The following ZFYVE9 variants were observed in gnomAD, a reference collection of about 807,000 sequenced individuals.
ZFYVE9 encodes zinc finger FYVE-type containing 9, also known as zinc finger FYVE domain-containing protein 9.
In ZFYVE9, 43 loss-of-function variants were observed where a neutral mutation model predicts 126.7. The observed-to-expected ratio is 0.34, with a 90% CI of 0.27 to 0.44. The LOEUF (loss-of-function observed/expected upper bound fraction) is 0.44, where lower values mean the gene tolerates loss of function less well. Ranked by LOEUF, ZFYVE9 falls within the 20% of genes least tolerant of loss-of-function variation. The pLI, the probability that ZFYVE9 is intolerant of heterozygous loss-of-function variation, is 1.00. For synonymous variants in ZFYVE9, 521 were observed against 597.4 expected, an observed-to-expected ratio of 0.87 and a Z score of 1.87; for missense variants, 1,476 against 1,697.0, an observed-to-expected ratio of 0.87 and a Z score of 2.29.
intron 17 of ZFYVE9, among the ~76,000 whole-genome samples, chr1:52,341,111 T>C (rs1175545798): frequency 6.6e-6 from 1 of 152,114 alleles, no homozygotes; most frequent in Non-Finnish European, 1.5e-5. Flanking sequence ...TCCCAGCTAC[T>C]CAGGAGGCTG....
chr1:52,302,692 A>G (rs375637470), intron 12 of ZFYVE9, among the ~76,000 whole-genome samples: 4 of 152,158 alleles, frequency 2.6e-5, no homozygotes, highest in African/African-American at 9.6e-5. Flanking sequence ...CAGAGGATTC[A>G]GTGAGCCAAG....
chr1:52,180,844 G>A lies in ZFYVE9; in HGVS notation c.-142-35525G>A, dbSNP rs961686267. Among the ~76,000 whole-genome samples the A allele has an allele frequency of 1.5e-4, 23 of 151,652 alleles. No homozygotes were observed. The South Asian group carries it at 3.8e-3, about 25-fold the overall frequency. ...TACAAAAATAGCCGGGCGTGGTGGC[G>A]CATGCCTGTAATCCCAGTTACTCAG... is the stretch of plus-strand genomic sequence containing the variant. On this transcript the variant is annotated intron_variant, in intron 1 of 18. Coordinates refer to ENST00000287727, the MANE Select transcript of ZFYVE9 (RefSeq NM_004799.4).
At chr1:52,343,202 A>G (rs539187706) in intron 17 of ZFYVE9, among the ~76,000 whole-genome samples, 13 of 151,784 alleles carry the variant, frequency 8.6e-5, no homozygotes, top group Middle Eastern at 3.4e-3. Context: ...GATTACAGGC[A>G]TGAGCCACCG....
intron 2 of ZFYVE9, among the ~76,000 whole-genome samples, chr1:52,228,517 T>C (rs1039852855): frequency 1.3e-5 from 2 of 152,196 alleles, no homozygotes; most frequent in Admixed American, 1.3e-4. Flanking sequence ...GCTAGAGTTA[T>C]CAGTTTTTAC....
intron 17 of ZFYVE9, 123 bp downstream of exon 17, chr1:52,340,354 C>A: frequency 1.4e-6 from 1 of 691,916 alleles, no homozygotes; most frequent in Non-Finnish European, 2.5e-6. Context: ...AAATCTTTCT[C>A]GTTTATACTA....
chr1:52,340,807 A>G (rs370549311), intron 17 of ZFYVE9, among the ~76,000 whole-genome samples: 188 of 148,770 alleles, frequency 1.3e-3, no homozygotes, highest in African/African-American at 4.4e-3. Flanking sequence ...AGGCTGAGGC[A>G]TGGGAATCAC....
chr1:52,315,788 A>G (rs1420370945), intron 13 of ZFYVE9, among the ~76,000 whole-genome samples: 1 of 152,256 alleles, frequency 6.6e-6, no homozygotes, highest in Admixed American at 6.5e-5. Context: ...AATGATCTAA[A>G]TACCTTCAAG....
At chr1:52,260,183 C>T (rs1167705128) in intron 4 of ZFYVE9, among the ~76,000 whole-genome samples, 1 of 151,874 alleles carries the variant, frequency 6.6e-6, no homozygotes, top group East Asian at 1.9e-4. Flanking sequence ...CCCTCACCAC[C>T]GTTAGATATT....
At chr1:52,219,065 C>T (rs987222812) in intron 2 of ZFYVE9, among the ~76,000 whole-genome samples, 5 of 151,880 alleles carry the variant, frequency 3.3e-5, no homozygotes, top group African/African-American at 4.8e-5. Flanking sequence ...CCTGATATTT[C>T]GTGGTCCAGA....
intron 4 of ZFYVE9, among the ~76,000 whole-genome samples, chr1:52,241,869 C>T (rs1645336884): frequency 6.6e-6 from 1 of 151,918 alleles, no homozygotes; most frequent in Non-Finnish European, 1.5e-5. Flanking sequence ...AAAGTTTGTT[C>T]CATTTCAGTA....
chr1:52,172,706 A>G (rs1644585285), intron 1 of ZFYVE9, among the ~76,000 whole-genome samples: 1 of 151,694 alleles, frequency 6.6e-6, no homozygotes, highest in Non-Finnish European at 1.5e-5. Context: ...CTCCTTGAAG[A>G]GGTCCTTCAC....
chr1:52,199,690 A>C (rs1018078504), intron 1 of ZFYVE9, among the ~76,000 whole-genome samples: 3 of 152,226 alleles, frequency 2.0e-5, no homozygotes, highest in Admixed American at 6.5e-5. Flanking sequence ...CTTTGTGTAA[A>C]TACTGAGGAG....
At chr1:52,191,093 C>T (rs1206852566) in intron 1 of ZFYVE9, among the ~76,000 whole-genome samples, 1 of 152,096 alleles carries the variant, frequency 6.6e-6, no homozygotes, top group Non-Finnish European at 1.5e-5. Context: ...TGCATGCCAC[C>T]ATGCCTGGCT....
chr1:52,253,663 C>T, intron 4 of ZFYVE9: 1 of 1,572,258 alleles, frequency 6.4e-7, no homozygotes, highest in Non-Finnish European at 8.8e-7. Context: ...TGACCCTGAG[C>T]AGTTGGAAAA....
intron 1 of ZFYVE9, among the ~76,000 whole-genome samples, chr1:52,169,879 T>C (rs978537980): frequency 1.1e-4 from 16 of 152,216 alleles, no homozygotes; most frequent in African/African-American, 3.4e-4. Context: ...TCTAGGACTT[T>C]AGTAAGCTAA....
chr1:52,255,131 A>G (rs995919239), intron 4 of ZFYVE9, among the ~76,000 whole-genome samples: 5 of 152,072 alleles, frequency 3.3e-5, no homozygotes, highest in Non-Finnish European at 7.4e-5. Context: ...TAAGTACAAT[A>G]CATATATTTG....
chr1:52,281,598 C>G, intron 9 of ZFYVE9, 63 bp from the exon 10 acceptor site: 2 of 1,569,842 alleles, frequency 1.3e-6, no homozygotes, highest in Non-Finnish European at 1.7e-6. Flanking sequence ...TTCTGTGCAT[C>G]TTTTTTTAAG....
rs773330703 is a variant in ZFYVE9 at position 52,274,566 on chromosome 1, T to C, written c.2728T>C (p.Ser910Pro). The change falls in exon 8 of 19, where the codon TCC (serine) becomes CCC (proline). Residue 910 changes from serine (S) to proline (P), a missense_variant. Around this residue, in one of 2 missense-constraint regions of ZFYVE9, gnomAD observed 669 missense variants for 902.4 expected, o/e 0.74. Transcript: ENST00000287727. ...PEDGLPPILI[S>P]TGVKGDYAVE... ...AGATGGCCTTCCTCCCATTCTCATC[T>C]CCACTGGTGTAAAAGGAGGTAAGTG... 1 of 1,611,436 alleles carries C rather than the reference T, an allele frequency of 6.2e-7. No individual in the cohort carries two copies. Among genetic ancestry groups the C allele is most frequent in the Admixed American group, 1.7e-5 (1 of 59,988 alleles).
At chr1:52,170,876 T>C (rs1483012876) in intron 1 of ZFYVE9, among the ~76,000 whole-genome samples, 7 of 152,186 alleles carry the variant, frequency 4.6e-5, no homozygotes, top group African/African-American at 1.4e-4. Context: ...ACCGAACATA[T>C]GGTCTCTACT....
Sources: gnomAD v4.1 joint callset for allele counts (sites outside exome capture counted in the v4.1 genomes callset) on GRCh38, gnomAD v4.1.1 for gene constraint, gnomAD v4.1.1 regional missense constraint, MANE v1.5 for transcripts, NCBI Gene and HGNC (gene_info 2026-07-23, HGNC 2026-07-21) for gene names.